The following STAU2 variants were observed in gnomAD, a reference collection of about 807,000 sequenced individuals.
STAU2 encodes the protein staufen double-stranded RNA binding protein 2.
In STAU2, 20 loss-of-function variants were observed where a neutral mutation model predicts 65.9. The observed-to-expected ratio is 0.30, with a 90% CI of 0.21 to 0.44. The LOEUF is 0.44. Among genes scored for constraint, STAU2 ranks in the 20% least tolerant of loss-of-function variants. The pLI is 1.00. For synonymous variants in STAU2, 232 were observed against 233.9 expected (o/e 0.99, Z 0.07); for missense variants, 558 against 683.9 (o/e 0.82, Z 2.05).
chr8:73,429,411 G>GTTTTT (rs1261161673), intron 13 of STAU2, among the ~76,000 whole-genome samples: 1 of 67,190 alleles, frequency 1.5e-5, no homozygotes, highest in African/African-American at 5.4e-5. Context: ...TCTTGCTCAG[G>GTTTTT]TCTTTTTTTT....
chr8:73,551,819 T>C (rs1032736859), intron 13 of STAU2, 193 bp downstream of exon 13: 9 of 1,265,658 alleles, frequency 7.1e-6, no homozygotes, highest in Admixed American at 7.4e-5. Flanking sequence ...AATTACTAGA[T>C]AGATCAAAAA....
At chr8:73,447,589 CT>C (rs1160229887) in intron 13 of STAU2, among the ~76,000 whole-genome samples, 1 of 152,164 alleles carries the variant, frequency 6.6e-6, no homozygotes, top group East Asian at 1.9e-4. Flanking sequence ...TGTCAAATTG[CT>C]TTCTTAAAAA....
At chr8:73,675,221 G>A (rs1315933055) in intron 5 of STAU2, among the ~76,000 whole-genome samples, 1 of 151,980 alleles carries the variant, frequency 6.6e-6, no homozygotes, top group Admixed American at 6.6e-5. Flanking sequence ...AAATCAAAAT[G>A]GAAATTTAAG....
intron 13 of STAU2, among the ~76,000 whole-genome samples, chr8:73,513,413 C>T (rs1299667098): frequency 6.6e-6 from 1 of 152,170 alleles, no homozygotes; most frequent in African/African-American, 2.4e-5. Flanking sequence ...TTACCCTCTG[C>T]CCATGGGTCT....
At chr8:73,649,646 C>T (rs778186380) in intron 6 of STAU2, among the ~76,000 whole-genome samples, 3 of 151,816 alleles carry the variant, frequency 2.0e-5, no homozygotes, top group Non-Finnish European at 2.9e-5. Context: ...TAATACTGCT[C>T]ACTAAGCTTC....
At chr8:73,586,554 G>A (rs1482194309) in intron 11 of STAU2, among the ~76,000 whole-genome samples, 1 of 146,868 alleles carries the variant, frequency 6.8e-6, no homozygotes, top group African/African-American at 2.5e-5. Context: ...AAGATTCCAA[G>A]ACTCTTTTCT....
At chr8:73,742,121 CTG>C (rs1806928654) in intron 1 of STAU2, 1 of 765,572 alleles carries the variant, frequency 1.3e-6, no homozygotes, top group East Asian at 1.3e-4. Context: ...CTTTAAGACT[CTG>C]TTTCTACTTT....
intron 12 of STAU2, among the ~76,000 whole-genome samples, chr8:73,575,867 CTAA>C (rs1809508875): frequency 6.6e-6 from 1 of 151,878 alleles, no homozygotes; most frequent in Non-Finnish European, 1.5e-5. Context: ...GGCCACTGCA[CTAA>C]TGAGGACAAA....
intron 6 of STAU2, among the ~76,000 whole-genome samples, chr8:73,667,586 A>G (rs1817332724): frequency 6.6e-6 from 1 of 152,148 alleles, no homozygotes; most frequent in African/African-American, 2.4e-5. Flanking sequence ...TGGTGCCCCA[A>G]TCTGGATGGG....
At chr8:73,733,096 C>A (rs974276977) in intron 3 of STAU2, among the ~76,000 whole-genome samples, 2 of 151,504 alleles carry the variant, frequency 1.3e-5, no homozygotes, top group African/African-American at 2.4e-5. Flanking sequence ...TTCTGCTACT[C>A]CTTCGACACG....
intron 13 of STAU2, among the ~76,000 whole-genome samples, chr8:73,533,723 A>T (rs1292533934): frequency 6.6e-6 from 1 of 152,204 alleles, no homozygotes; most frequent in Non-Finnish European, 1.5e-5. Flanking sequence ...GAGAGAGATG[A>T]GACCCTGTTT....
In STAU2 at chr8:73,420,623, G is replaced by C. The variant is rs970672606; in HGVS notation, c.*749C>G. 1 of 172,020 alleles carries C rather than the reference G, an allele frequency of 5.8e-6. No individual in the cohort carries two copies. Among genetic ancestry groups the C allele is most frequent in the Non-Finnish European group, 1.3e-5 (1 of 78,968 alleles). 10.7% of individuals were successfully genotyped at this position (172,020 alleles called of 1,614,324 possible). A position where few individuals can be genotyped will look rare whatever the true frequency, so the allele number is the denominator to read the frequency against. On this transcript the variant is annotated 3_prime_UTR_variant, in exon 15 of 15. Transcript: ENST00000524300. ...ATTCCCACAACAGGGAGTGGAATCCGGGAAGATGATATATAGGGGCAAGAC... is the reference window on the plus strand; with the variant it reads ...ATTCCCACAACAGGGAGTGGAATCCCGGAAGATGATATATAGGGGCAAGAC...
intron 3 of STAU2, among the ~76,000 whole-genome samples, chr8:73,720,408 T>C (rs1041653982): frequency 5.9e-5 from 9 of 151,890 alleles, no homozygotes; most frequent in Non-Finnish European, 1.2e-4. Flanking sequence ...TCAAAATATA[T>C]ACATTTGGAG....
At chr8:73,741,687 AT>A (rs1236274030) in intron 1 of STAU2, among the ~76,000 whole-genome samples, 2 of 151,822 alleles carry the variant, frequency 1.3e-5, no homozygotes, top group African/African-American at 2.4e-5. Flanking sequence ...TAATTTTTGT[AT>A]TTTTTGTAGA....
chr8:73,615,119 A>G (rs1373603070), intron 8 of STAU2, among the ~76,000 whole-genome samples: 1 of 152,138 alleles, frequency 6.6e-6, no homozygotes, highest in Non-Finnish European at 1.5e-5. Context: ...ACCTCTTAAT[A>G]AAAGAAGTAT....
At chr8:73,665,107 G>A (rs1817135093) in intron 6 of STAU2, among the ~76,000 whole-genome samples, 1 of 151,982 alleles carries the variant, frequency 6.6e-6, no homozygotes, top group Admixed American at 6.6e-5. Flanking sequence ...GTTTATGAGA[G>A]TTTTAAAAAG....
chr8:73,650,634 G>A (rs993674683), intron 6 of STAU2, among the ~76,000 whole-genome samples: 3 of 152,026 alleles, frequency 2.0e-5, no homozygotes, highest in Admixed American at 6.6e-5. Flanking sequence ...TACATCAGAC[G>A]GTAATACGTA....
At chr8:73,476,731 T>TG (rs1223059568) in intron 13 of STAU2, among the ~76,000 whole-genome samples, 10 of 152,180 alleles carry the variant, frequency 6.6e-5, no homozygotes, top group Non-Finnish European at 1.5e-4. Context: ...CTCAGATCAC[T>TG]GGGGGGTGTA....
At chr8:73,431,776 A>G (rs1295489221) in intron 13 of STAU2, among the ~76,000 whole-genome samples, 1 of 152,232 alleles carries the variant, frequency 6.6e-6, no homozygotes, top group Non-Finnish European at 1.5e-5. Flanking sequence ...GTGTGCTCAC[A>G]GAATGGAGGT....
Sources: allele counts gnomAD v4.1 joint callset (sites outside exome capture counted in the v4.1 genomes callset), GRCh38; gene constraint gnomAD v4.1.1; transcripts MANE v1.5; gene names NCBI Gene and HGNC (gene_info 2026-07-23, HGNC 2026-07-21).